LRP4: variants seen among roughly 807,000 people sequenced by gnomAD.
LRP4 encodes LDL receptor related protein 4, also known as low-density lipoprotein receptor-related protein 4.
A neutral mutation model predicts 220.3 loss-of-function variants in LRP4; 95 were observed. The ratio of observed to expected loss-of-function variants is 0.43; its 90% CI spans 0.37 to 0.51. The LOEUF (loss-of-function observed/expected upper bound fraction) is 0.51. Ranked by LOEUF, LRP4 falls within the 20% of genes least tolerant of loss-of-function variation. LRP4 has a pLI of 0.00. For synonymous variants in LRP4, 903 were observed against 954.6 expected, an observed-to-expected ratio of 0.95 and a Z score of 1.00; for missense variants, 1,925 against 2,567.0, an observed-to-expected ratio of 0.75 and a Z score of 5.40.
chr11:46,867,524 C>T (rs753786423), intron 34 of LRP4, among the ~76,000 whole-genome samples: 3 of 152,186 alleles, frequency 2.0e-5, no homozygotes, highest in Non-Finnish European at 2.9e-5. Context: ...TGTAATGGCG[C>T]GATCTCGGCT....
At position 46,899,175 on chromosome 11, in the gene LRP4, TTATAGACGCCCATATTCAGGTGGA is replaced by T; in HGVS notation, c.548-167_548-144del. The T allele has an allele frequency of 3.2e-6, 3 of 933,632 alleles. No individual in the cohort carries two copies. Among genetic ancestry groups the T allele is most frequent in the Non-Finnish European group, 5.0e-6 (3 of 596,390 alleles). 57.8% of individuals were successfully genotyped at this position (933,632 alleles called of 1,614,324 possible). ...AACCAGGTTTCATCTGGGACAGCCCTTATAGACGCCCATATTCAGGTGGACCAAAGGAAGCCTTCCCTTCCCACC... is the reference window on the plus strand; with the variant it reads ...AACCAGGTTTCATCTGGGACAGCCCTCCAAAGGAAGCCTTCCCTTCCCACC... On this transcript the variant is annotated intron_variant, in intron 5 of 37. Transcript: ENST00000378623. The surrounding 1 kb of genome is among the most constrained non-coding windows in gnomAD (Gnocchi z 5.9).
chr11:46,864,335 T>C (rs1025257115), intron 36 of LRP4, 113 bp downstream of exon 36: 7 of 844,674 alleles, frequency 8.3e-6, no homozygotes, highest in Admixed American at 1.7e-5. Flanking sequence ...GCACCCAACC[T>C]TGCAATAAGG....
chr11:46,908,927 G>C (rs1367144965), intron 1 of LRP4, among the ~76,000 whole-genome samples: 1 of 152,212 alleles, frequency 6.6e-6, no homozygotes, highest in Non-Finnish European at 1.5e-5. Flanking sequence ...AATGACTGCA[G>C]GGCCCATCCA....
At position 46,906,853 on chromosome 11, in the gene LRP4, C is replaced by T. The variant is rs968286319; in HGVS notation, c.53-3924G>A. ...TTAGTTGCAGGCAGTTGAAGGGCCT[C>T]GACTTCCTGCATGTCAAATCAACAT... On this transcript the variant is annotated intron_variant, in intron 1 of 37. Transcript: ENST00000378623. Among the ~76,000 whole-genome samples, 8 of 152,150 alleles carry T rather than the reference C, an allele frequency of 5.3e-5. 1 individual carries two copies. Among genetic ancestry groups the T allele is most frequent in the Non-Finnish European group, 8.8e-5 (6 of 68,040 alleles).
chr11:46,910,542 G>A (rs1002151163), intron 1 of LRP4, among the ~76,000 whole-genome samples: 1 of 152,176 alleles, frequency 6.6e-6, no homozygotes, highest in African/African-American at 2.4e-5. Context: ...GACTTGAGAT[G>A]TTTGAAAACC....
chr11:46,915,787 G>A (rs900615131), intron 1 of LRP4, among the ~76,000 whole-genome samples: 2 of 152,120 alleles, frequency 1.3e-5, no homozygotes, highest in Non-Finnish European at 2.9e-5. Flanking sequence ...GAAGTGATCC[G>A]CTAGTCTCAG....
intron 37 of LRP4, among the ~76,000 whole-genome samples, chr11:46,861,523 CTT>C (rs576719115): frequency 2.8e-4 from 23 of 83,488 alleles, no homozygotes; most frequent in East Asian, 9.3e-4. Context: ...GGAAATGGGA[CTT>C]TTTTTTTTTT....
chr11:46,908,053 T>C (rs1941790469), intron 1 of LRP4, among the ~76,000 whole-genome samples: 1 of 151,976 alleles, frequency 6.6e-6, no homozygotes, highest in South Asian at 2.1e-4. Context: ...TGCCTCAGCC[T>C]CCTGAGTAGC....
intron 1 of LRP4, among the ~76,000 whole-genome samples, chr11:46,905,803 G>T (rs1380820066): frequency 6.7e-6 from 1 of 148,720 alleles, no homozygotes; most frequent in African/African-American, 2.5e-5. Flanking sequence ...GGTGAGGGGA[G>T]ATCATGCCAT....
intron 15 of LRP4, 75 bp downstream of exon 15, chr11:46,889,869 G>A (rs897812541): frequency 2.6e-6 from 4 of 1,528,304 alleles, no homozygotes; most frequent in Non-Finnish European, 3.6e-6. Flanking sequence ...CTAAGGGGAA[G>A]GAAGGTTCTC....
rs1941801685 is a variant in LRP4, at chr11:46,908,651, G to A, written c.53-5722C>T. Among the ~76,000 whole-genome samples, 3 of 152,290 alleles carry A rather than the reference G, an allele frequency of 2.0e-5. No homozygotes were observed. The South Asian group carries it at 6.2e-4, about 32-fold the overall frequency. ...TTATGTGTTCTCCAATAGCAAATAT[G>A]CAGTGAGTTTATGGGTCTCAAACAG... On this transcript the variant is annotated intron_variant, in intron 1 of 37. Transcript: ENST00000378623.
At chr11:46,888,819 T>G (rs886789326) in intron 16 of LRP4, among the ~76,000 whole-genome samples, 1 of 152,118 alleles carries the variant, frequency 6.6e-6, no homozygotes, top group Non-Finnish European at 1.5e-5. Context: ...CGCTCCTCTC[T>G]GGACTATTCT....
intron 3 of LRP4, 33 bp from the exon 4 acceptor site, chr11:46,900,009 C>G: frequency 6.5e-7 from 1 of 1,541,590 alleles, no homozygotes; most frequent in South Asian, 1.1e-5. Context: ...CTGCTGCAGG[C>G]AGTGGGGGTC....
chr11:46,872,486 G>A (rs1042821470), intron 30 of LRP4, among the ~76,000 whole-genome samples: 7 of 152,150 alleles, frequency 4.6e-5, no homozygotes, highest in African/African-American at 1.7e-4. Context: ...GCTCATGCCT[G>A]AAATCCCAGC....
chr11:46,879,368 C>T, intron 20 of LRP4, 53 bp from the exon 21 acceptor site: 1 of 1,594,964 alleles, frequency 6.3e-7, no homozygotes, highest in Non-Finnish European at 8.6e-7. Context: ...CAGTACAGAG[C>T]AGTGGCAAAG....
At position 46,895,311 on chromosome 11, in the gene LRP4, C is replaced by G; in HGVS notation, c.1184-20G>C. 5.0e-6 allele frequency: 8 copies of G among 1,610,832 alleles called. No homozygotes were observed. The highest frequency in any genetic ancestry group is 6.8e-6 in the Non-Finnish European group (8 of 1,179,968). ...TCACATCTGGGAACACCAGGCAGGT[C>G]AAGAGATCTCCCTTCTGTCGTCCTC... is the stretch of plus-strand genomic sequence containing the variant. On this transcript the variant is annotated intron_variant, in intron 10 of 37. Transcript: ENST00000378623.
intron 16 of LRP4, among the ~76,000 whole-genome samples, chr11:46,888,982 C>G (rs1379867423): frequency 6.6e-6 from 1 of 152,208 alleles, no homozygotes; most frequent in Non-Finnish European, 1.5e-5. Flanking sequence ...TATCCAGGAC[C>G]CGCTTACACA....
Position 46,899,106 on chromosome 11 carries a change from GCAGGCAGGATGCT to G in LRP4, c.548-87_548-75del. On this transcript the variant is annotated intron_variant, in intron 5 of 37. Transcript: ENST00000378623. The surrounding 1 kb of genome is among the most constrained non-coding windows in gnomAD (Gnocchi z 5.9). ...AAGGAGAGGGGCCCTGATTCCTCAA[GCAGGCAGGATGCT>G]CAGGCAGGAGAGCTTCTTCAAGTGA... is the stretch of plus-strand genomic sequence containing the variant. 2 of 1,426,782 alleles carry G rather than the reference GCAGGCAGGATGCT, an allele frequency of 1.4e-6. No homozygotes were observed. The highest frequency in any genetic ancestry group is 1.4e-5 in the African/African-American group (1 of 71,666). The allele number at this position is 1,426,782 out of a possible 1,614,324, so 88.4% of individuals were successfully genotyped here. A position where few individuals can be genotyped will look rare whatever the true frequency, so the allele number is the denominator to read the frequency against.
Position 46,875,075 on chromosome 11 carries a change from G to A in LRP4, c.3954C>T (p.Gly1318=), listed in dbSNP as rs1424152195. The change falls in exon 28 of 38, where the codon GGC becomes GGT. Residue 1318 remains glycine, a synonymous_variant. Coordinates refer to ENST00000378623, the MANE Select transcript of LRP4 (RefSeq NM_002334.4). This position sits in a 1 kb window ranked among gnomAD's most constrained non-coding sequence, Gnocchi z 4.5. ...GAGGCAAGCAGAGGTGGGAGCAGCC[G>A]CCATTTCTCGAGCCGCACTTGTTAA... The part of the protein sequence containing the change: ...LGFNKCGSRN[G]GCSHLCLPRP... 2.5e-5 allele frequency: 41 copies of A among 1,613,352 alleles called. No homozygotes were observed. Among genetic ancestry groups the A allele is most frequent in the Non-Finnish European group, 3.0e-5 (35 of 1,180,028 alleles).
Sources: allele counts gnomAD v4.1 joint callset (sites outside exome capture counted in the v4.1 genomes callset), GRCh38; gene constraint gnomAD v4.1.1; non-coding constraint Gnocchi (gnomAD v3.1); transcripts MANE v1.5; gene names NCBI Gene and HGNC (gene_info 2026-07-23, HGNC 2026-07-21).